The following MDH2 variants were observed in gnomAD, a reference collection of about 807,000 sequenced individuals.
The protein encoded by MDH2 is malate dehydrogenase 2, also known as malate dehydrogenase, mitochondrial.
MDH2 carries 25 observed loss-of-function variants against 33.6 expected under a neutral mutation model. The ratio of observed to expected loss-of-function variants is 0.74; its 90% CI spans 0.54 to 1.04. The LOEUF is 1.04. MDH2 is among the 50% of genes least tolerant of loss of function. The pLI is 0.00. For missense variants in MDH2, 432 were observed against 445.0 expected (o/e 0.97, Z 0.26); for synonymous variants, 193 against 188.7 (o/e 1.02, Z -0.19).
At chr7:76,048,577 G>A (rs1797419680) in intron 1 of MDH2, 1 of 1,313,374 alleles carries the variant, frequency 7.6e-7, no homozygotes, top group Non-Finnish European at 9.7e-7. Flanking sequence ...TTTCTGCAGC[G>A]TTCCATTGCT....
At position 76,066,393 on chromosome 7, in the gene MDH2, G is replaced by A. The variant is rs140381447; in HGVS notation, c.1000G>A (p.Val334Met). The change falls in exon 9 of 9, where the codon GTG (valine) becomes ATG (methionine). Residue 334 changes from valine to methionine, a missense_variant. Coordinates refer to ENST00000315758, the MANE Select transcript of MDH2 (RefSeq NM_005918.4). ...CTCCATCAAGAAGGGGGAAGATTTCGTGAAGACCCTGAAGTGAGCCGCTGT... is the reference window on the plus strand; with the variant it reads ...CTCCATCAAGAAGGGGGAAGATTTCATGAAGACCCTGAAGTGAGCCGCTGT... The part of the protein sequence containing the change: ...KASIKKGEDF[V>M]KTLK 8.7e-6 allele frequency: 14 copies of A among 1,611,704 alleles called. No individual in the cohort carries two copies. The highest frequency in any genetic ancestry group is 8.1e-5 in the African/African-American group (6 of 74,206).
intron 8 of MDH2, among the ~76,000 whole-genome samples, chr7:76,065,617 G>A (rs1798073892): frequency 6.6e-6 from 1 of 152,204 alleles, no homozygotes; most frequent in African/African-American, 2.4e-5. Context: ...GTCGGTGCAG[G>A]TGTATGGAAT....
chr7:76,057,568 T>G, intron 3 of MDH2, 75 bp downstream of exon 3: 1 of 1,463,982 alleles, frequency 6.8e-7, no homozygotes, highest in Non-Finnish European at 9.5e-7. Flanking sequence ...CTATTAAAAA[T>G]GGATTTAATC....
intron 4 of MDH2, among the ~76,000 whole-genome samples, chr7:76,058,962 T>G (rs1797866151): frequency 6.6e-6 from 1 of 152,202 alleles, no homozygotes; most frequent in Admixed American, 6.5e-5. Context: ...GTTTTTTTGT[T>G]TGTTTGTTTT....
At chr7:76,049,016 T>C in intron 1 of MDH2, 1 of 877,710 alleles carries the variant, frequency 1.1e-6, no homozygotes, top group Admixed American at 7.9e-5. Context: ...TTTTACCAGG[T>C]GAATCTAATT....
rs782059941 is a variant in MDH2, at chr7:76,064,317, G to C, written c.634-22G>C. The stretch of plus-strand genomic sequence containing the variant: ...GGTCATGGGCCGGAAGCCACTCACT[G>C]ATCCCATGGCTTGGCTTGCAGTGCA... On this transcript the variant is annotated intron_variant, in intron 6 of 8. Coordinates refer to ENST00000315758, the MANE Select transcript of MDH2 (RefSeq NM_005918.4). 1.5e-5 allele frequency: 24 copies of C among 1,596,174 alleles called. No individual in the cohort carries two copies. The South Asian group carries it at 2.5e-4, about 17-fold the overall frequency.
chr7:76,060,325 T>C, intron 4 of MDH2, 48 bp from the exon 5 acceptor site: 2 of 1,605,502 alleles, frequency 1.2e-6, no homozygotes, highest in Admixed American at 1.7e-5. Context: ...GGCTTGGCCC[T>C]GCTCTCGGAA....
chr7:76,052,952 C>T (rs1554585680), intron 1 of MDH2, among the ~76,000 whole-genome samples: 2 of 152,188 alleles, frequency 1.3e-5, no homozygotes, highest in Non-Finnish European at 2.9e-5. Flanking sequence ...AGTGATCCTC[C>T]CACCTCAGCC....
intron 5 of MDH2, 131 bp downstream of exon 5, chr7:76,060,629 G>A: frequency 7.5e-7 from 1 of 1,336,706 alleles, no homozygotes; most frequent in Non-Finnish European, 1.0e-6. Flanking sequence ...AATGTTTTTA[G>A]AGCTCGCCCT....
Position 76,063,495 on chromosome 7 carries a change from C to G in MDH2, c.556-20C>G, listed in dbSNP as rs369148596. The G allele has an allele frequency of 1.9e-6, 3 of 1,613,320 alleles. No homozygotes were observed. Among genetic ancestry groups the G allele is most frequent in the Non-Finnish European group, 2.5e-6 (3 of 1,179,190 alleles). Reference sequence around the variant, plus strand: ...TGAAAGAGCTTGTTAACTCATCCAGCTTCATACTTTGGTCACCAGGGTTTG... The same window carrying G: ...TGAAAGAGCTTGTTAACTCATCCAGGTTCATACTTTGGTCACCAGGGTTTG... On this transcript the variant is annotated intron_variant, in intron 5 of 8. Transcript: ENST00000315758.
rs1797814540 is a variant in MDH2 at position 76,057,357 on chromosome 7, G to C, written c.236-53G>C. ...CTTAAGGCCAGGGCTGAACTTTCCA[G>C]GCCTCTCTGAATCAGAAACGGTGAC... On this transcript the variant is annotated intron_variant, in intron 2 of 8. Transcript: ENST00000315758. The C allele has an allele frequency of 5.6e-6, 9 of 1,604,674 alleles. No individual in the cohort carries two copies. The Admixed American group carries it at 1.0e-4, about 18-fold the overall frequency.
chr7:76,066,676 CAGAATT>C lies in MDH2; in HGVS notation c.*270_*275del, dbSNP rs1798105207. The C allele has an allele frequency of 6.5e-6, 2 of 308,034 alleles. No individual in the cohort carries two copies. Among genetic ancestry groups the C allele is most frequent in the Non-Finnish European group, 6.0e-6 (1 of 166,320 alleles). 19.1% of individuals were successfully genotyped at this position (308,034 alleles called of 1,614,324 possible). A position where few individuals can be genotyped will look rare whatever the true frequency, so the allele number is the denominator to read the frequency against. The stretch of plus-strand genomic sequence containing the variant: ...TGTCTGCTACCTCTTCATTACCAAT[CAGAATT>C]AGATGATGTTTAACTGTTAGACTGA... On this transcript the variant is annotated 3_prime_UTR_variant, in exon 9 of 9. Coordinates refer to ENST00000315758, the MANE Select transcript of MDH2 (RefSeq NM_005918.4).
chr7:76,052,837 C>T (rs532629788), intron 1 of MDH2, among the ~76,000 whole-genome samples: 3 of 152,168 alleles, frequency 2.0e-5, no homozygotes, highest in African/African-American at 7.2e-5. Flanking sequence ...CCACCACGCC[C>T]AGCCCAGAAG....
intron 5 of MDH2, 24 bp downstream of exon 5, chr7:76,060,522 C>T: frequency 6.2e-7 from 1 of 1,612,162 alleles, no homozygotes; most frequent in Non-Finnish European, 8.5e-7. Flanking sequence ...GGGTGTTGCT[C>T]AGGTGACCTT....
intron 1 of MDH2, chr7:76,048,605 C>T (rs1251722663): frequency 8.5e-6 from 11 of 1,292,120 alleles, no homozygotes; most frequent in Non-Finnish European, 1.1e-5. Context: ...AGCTAATCTC[C>T]TTGCAGCATC....
intron 1 of MDH2, among the ~76,000 whole-genome samples, chr7:76,049,340 G>A (rs934365903): frequency 6.6e-6 from 1 of 152,154 alleles, no homozygotes. Context: ...TGAAGTGGGG[G>A]CCCAGCTGTA....
Position 76,054,984 on chromosome 7 carries a change from A to G in MDH2, c.221A>G (p.Lys74Arg), listed in dbSNP as rs1554586033. Residue 74 changes from lysine to arginine, a missense_variant, in exon 2 of 9, where the codon AAA becomes AGA. Physicochemically the swap from Lys to Arg is conservative, Grantham distance 26 (BLOSUM62 2). Coordinates refer to ENST00000315758, the MANE Select transcript of MDH2 (RefSeq NM_005918.4). ...GCAGATCTGAGCCACATCGAGACCA[A>G]AGCCGCTGTGAAAGGTACTGGGCGC... ...VAADLSHIET[K>R]AAVKGYLGPE... The G allele has an allele frequency of 6.2e-7, 1 of 1,613,400 alleles. No individual in the cohort carries two copies. The highest frequency in any genetic ancestry group is 1.7e-4 in the Middle Eastern group (1 of 6,046).
chr7:76,063,372 G>T, intron 5 of MDH2, 143 bp from the exon 6 acceptor site: 1 of 740,064 alleles, frequency 1.4e-6, no homozygotes, highest in South Asian at 1.6e-5. Flanking sequence ...CGCAGCAGGG[G>T]CTGGACAGGG....
chr7:76,048,204 G>T lies in MDH2; in HGVS notation c.44G>T (p.Arg15Leu), dbSNP rs1797381754. The part of the protein sequence containing the change: ...LARPASAALR[R>L]SFSTSAQNNA... ...CGGCCTGCCAGCGCTGCTCTCCGCC[G>T]CAGCTTCAGCACCTCGGCCCAGGTA... Residue 15 changes from arginine to leucine, a missense_variant, in exon 1 of 9, where the codon CGC becomes CTC. By Grantham distance (102) the Arg-to-Leu change is moderately radical. Coordinates refer to ENST00000315758, the MANE Select transcript of MDH2 (RefSeq NM_005918.4). 3 of 1,536,012 alleles carry T rather than the reference G, an allele frequency of 2.0e-6. No homozygotes were observed. In the South Asian group the frequency reaches 3.6e-5, roughly 18 times the overall value.
Sources: gnomAD v4.1 joint callset for allele counts (sites outside exome capture counted in the v4.1 genomes callset) on GRCh38, gnomAD v4.1.1 for gene constraint, MANE v1.5 for transcripts, NCBI Gene and HGNC (gene_info 2026-07-23, HGNC 2026-07-21) for gene names.